The following CECR2 variants were observed in gnomAD, a reference collection of about 807,000 sequenced individuals.
CECR2 encodes the protein CECR2 histone acetyl-lysine reader, also known as chromatin remodeling regulator CECR2.
A neutral mutation model predicts 154.5 loss-of-function variants in CECR2; 30 were observed. That is an observed-to-expected ratio of 0.19 (90% CI 0.15 to 0.26). The LOEUF (loss-of-function observed/expected upper bound fraction) is 0.26, where lower values mean the gene tolerates loss of function less well. Among genes scored for constraint, CECR2 ranks in the 10% least tolerant of loss-of-function variants. The probability of loss-of-function intolerance (pLI) is 1.00; values close to 1 mark genes in which losing one functional copy is unlikely to be tolerated. For missense variants in CECR2, 1,743 were observed against 1,829.3 expected (o/e 0.95, Z 0.86); for synonymous variants, 725 against 683.7 (o/e 1.06, Z -0.94).
chr22:17,538,978 ATG>A lies in CECR2; in HGVS notation c.1369-11_1369-10del, dbSNP rs1569150934. ...CAGCATATTTTAACTATAAAGAGTT[ATG>A]TGTCTCGTTTAGGCCCCCATGGATA... On this transcript the variant is annotated splice_polypyrimidine_tract_variant and intron_variant, in intron 12 of 18. Coordinates refer to ENST00000262608, the MANE Select transcript of CECR2 (RefSeq NM_001290047.2). 6.2e-7 allele frequency: 1 copy of A among 1,611,470 alleles called. No homozygotes were observed. The highest frequency in any genetic ancestry group is 8.5e-7 in the Non-Finnish European group (1 of 1,178,558).
chr22:17,458,638 G>A (rs373371671), intron 1 of CECR2, among the ~76,000 whole-genome samples: 1 of 152,120 alleles, frequency 6.6e-6, no homozygotes, highest in East Asian at 1.9e-4. Context: ...AGTAAAAAGT[G>A]TTATTTTTTA....
chr22:17,369,232 G>C (rs1423142822), upstream of CECR2: 1 of 151,878 alleles, frequency 6.6e-6, no homozygotes, highest in African/African-American at 2.4e-5. Flanking sequence ...CCTGGAGGGC[G>C]GAGGGCGCCT....
At chr22:17,408,520 T>C (rs989910223) in intron 1 of CECR2, among the ~76,000 whole-genome samples, 3 of 152,204 alleles carry the variant, frequency 2.0e-5, no homozygotes, top group Admixed American at 2.0e-4. Context: ...CTCAGCATTT[T>C]TGTTGGACAT....
At chr22:17,482,637 G>A (rs572567278) in intron 2 of CECR2, among the ~76,000 whole-genome samples, 3 of 151,810 alleles carry the variant, frequency 2.0e-5, no homozygotes. Flanking sequence ...GGTCTCAAAC[G>A]ATCTTCCCAC....
In CECR2 at chr22:17,538,626, T is replaced by A; in HGVS notation, c.1277-14T>A. 6.2e-7 allele frequency: 1 copy of A among 1,613,976 alleles called. No individual in the cohort carries two copies. Among genetic ancestry groups the A allele is most frequent in the Non-Finnish European group, 8.5e-7 (1 of 1,179,832 alleles). The stretch of plus-strand genomic sequence containing the variant: ...CCTCTGTGAGTGTGTTAAGATCTCT[T>A]CTCTGGCTTTCAGTTCTAGACGTGG... On this transcript the variant is annotated splice_polypyrimidine_tract_variant and intron_variant, in intron 11 of 18. Coordinates refer to ENST00000262608, the MANE Select transcript of CECR2 (RefSeq NM_001290047.2).
At chr22:17,415,240 C>G (rs2054139192) in intron 1 of CECR2, among the ~76,000 whole-genome samples, 1 of 151,698 alleles carries the variant, frequency 6.6e-6, no homozygotes, top group Non-Finnish European at 1.5e-5. Context: ...CTTCTTTGTT[C>G]TTCTTTTTTT....
intron 1 of CECR2, among the ~76,000 whole-genome samples, chr22:17,378,268 C>T (rs1015329732): frequency 6.7e-6 from 1 of 149,202 alleles, no homozygotes. Context: ...CAGGTGTGAG[C>T]CACCGCGCTG....
intron 9 of CECR2, among the ~76,000 whole-genome samples, chr22:17,531,237 C>A (rs1489495367): frequency 2.0e-5 from 3 of 152,014 alleles, no homozygotes; most frequent in Non-Finnish European, 4.4e-5. Context: ...CGTGGTGACA[C>A]AGACGGAGGA....
chr22:17,530,204 T>C (rs2056332015), intron 9 of CECR2, among the ~76,000 whole-genome samples: 2 of 151,568 alleles, frequency 1.3e-5, no homozygotes, highest in African/African-American at 4.8e-5. Flanking sequence ...TAATGTTACA[T>C]TACCCATACT....
rs1382414685 is a variant in CECR2, at chr22:17,445,188, T to G, written c.127-32400T>G. On this transcript the variant is annotated intron_variant, in intron 1 of 18. Coordinates refer to ENST00000262608, the MANE Select transcript of CECR2 (RefSeq NM_001290047.2). ...AAGCATTATACTTTATGACCTAAGA[T>G]CTATAGGTTTTCATTTCCTTGAGAA... Among the ~76,000 whole-genome samples the G allele has an allele frequency of 2.6e-5, 4 of 152,164 alleles. No individual in the cohort carries two copies. In the East Asian group the frequency reaches 7.7e-4, roughly 29 times the overall value.
chr22:17,366,634 G>T (rs534217849), upstream of CECR2, among the ~76,000 whole-genome samples: 1 of 152,114 alleles, frequency 6.6e-6, no homozygotes, highest in Non-Finnish European at 1.5e-5. Context: ...CATTAATCTA[G>T]ATTCTAGGAG....
chr22:17,372,779 A>G (rs1239016323), intron 1 of CECR2, among the ~76,000 whole-genome samples: 2 of 152,198 alleles, frequency 1.3e-5, no homozygotes, highest in Non-Finnish European at 2.9e-5. Flanking sequence ...TTAAAAGGTA[A>G]AAATGATAAA....
intron 1 of CECR2, among the ~76,000 whole-genome samples, chr22:17,360,404 G>A (rs1465619199): frequency 2.0e-5 from 3 of 152,164 alleles, no homozygotes; most frequent in South Asian, 2.1e-4. Context: ...ACACTAGGCC[G>A]GGTGAAGTGG....
chr22:17,527,477 A>T (rs537249048), intron 9 of CECR2, among the ~76,000 whole-genome samples: 4 of 151,554 alleles, frequency 2.6e-5, no homozygotes, highest in South Asian at 2.1e-4. Context: ...AAAATAAATT[A>T]AAAAACAAGC....
At chr22:17,502,810 TAAAAATA>T (rs2055763274) in intron 5 of CECR2, among the ~76,000 whole-genome samples, 1 of 151,782 alleles carries the variant, frequency 6.6e-6, no homozygotes, top group African/African-American at 2.4e-5. Context: ...CTCAAAAAAA[TAAAAATA>T]AAAAATAAAA....
rs754078231 is a variant in CECR2 at position 17,503,161 on chromosome 22, A to G, written c.700+30A>G. The G allele has an allele frequency of 7.6e-6, 12 of 1,586,826 alleles. No homozygotes were observed. The African/African-American group carries it at 1.5e-4, about 20-fold the overall frequency. ...TGTTCTTTACTGGCATTTAGAAAGA[A>G]TTAAATAAATATGATTCATTTATGC... On this transcript the variant is annotated intron_variant, in intron 6 of 18. Coordinates refer to ENST00000262608, the MANE Select transcript of CECR2 (RefSeq NM_001290047.2).
intron 1 of CECR2, among the ~76,000 whole-genome samples, chr22:17,433,312 G>T (rs1386673798): frequency 2.6e-5 from 4 of 152,190 alleles, no homozygotes; most frequent in Admixed American, 2.6e-4. Flanking sequence ...GAAAGTTTAT[G>T]TGTAGAACTG....
At chr22:17,477,044 C>G (rs2146791588) in intron 1 of CECR2, 1 of 702,132 alleles carries the variant, frequency 1.4e-6, no homozygotes, top group African/African-American at 1.8e-5. Flanking sequence ...CACCTTTCAT[C>G]AGCCATGTAG....
At chr22:17,413,682 A>ATTT (rs1388981828) in intron 1 of CECR2, among the ~76,000 whole-genome samples, 28 of 151,306 alleles carry the variant, frequency 1.9e-4, no homozygotes, top group African/African-American at 6.6e-4. Context: ...TATTATTATT[A>ATTT]TTATTATTTT....
Sources: gnomAD v4.1 joint callset for allele counts (sites outside exome capture counted in the v4.1 genomes callset) on GRCh38, gnomAD v4.1.1 for gene constraint, MANE v1.5 for transcripts, NCBI Gene and HGNC (gene_info 2026-07-23, HGNC 2026-07-21) for gene names.